Variants in ZBTB20 observed in about 807,000 individuals in gnomAD.
ZBTB20 encodes the protein zinc finger and BTB domain containing 20, also known as zinc finger and BTB domain-containing protein 20.
In ZBTB20, 9 loss-of-function variants were observed where a neutral mutation model predicts 56.9. That is an observed-to-expected ratio of 0.16 (90% confidence interval 0.10 to 0.28). The LOEUF (loss-of-function observed/expected upper bound fraction) is 0.28, where lower values mean the gene tolerates loss of function less well. Among genes scored for constraint, ZBTB20 ranks in the 10% least tolerant of loss-of-function variants. ZBTB20 has a pLI of 1.00. For synonymous variants in ZBTB20, 417 were observed against 420.7 expected (o/e 0.99, Z 0.11); for missense variants, 655 against 1,003.0 (o/e 0.65, Z 4.69).
chr3:115,020,860 A>T (rs1184909481), intron 2 of ZBTB20, among the ~76,000 whole-genome samples: 1 of 151,102 alleles, frequency 6.6e-6, no homozygotes, highest in Non-Finnish European at 1.5e-5. Flanking sequence ...GCTTTATTAT[A>T]AATGAAAGAC....
intron 1 of ZBTB20, among the ~76,000 whole-genome samples, chr3:115,138,461 C>T (rs1018656532): frequency 1.3e-5 from 2 of 152,054 alleles, no homozygotes; most frequent in Non-Finnish European, 2.9e-5. Context: ...TCTCTAGAAC[C>T]TTCTCCAAAT....
chr3:114,846,406 G>A (rs1361846671), intron 4 of ZBTB20, among the ~76,000 whole-genome samples: 1 of 152,204 alleles, frequency 6.6e-6, no homozygotes, highest in African/African-American at 2.4e-5. Context: ...GTGAGCTTGT[G>A]TTTGATGCTA....
chr3:114,856,875 T>C (rs1383385040), intron 4 of ZBTB20, among the ~76,000 whole-genome samples: 1 of 152,162 alleles, frequency 6.6e-6, no homozygotes, highest in Non-Finnish European at 1.5e-5. Context: ...CCAATTTAAT[T>C]TATGAGTCAG....
chr3:114,955,996 T>C (rs1481640662), intron 3 of ZBTB20, among the ~76,000 whole-genome samples: 1 of 152,166 alleles, frequency 6.6e-6, no homozygotes, highest in Non-Finnish European at 1.5e-5. Flanking sequence ...AATTAATAGA[T>C]GGATCTGAAA....
At chr3:114,348,990 A>G (rs1053102688) in intron 11 of ZBTB20, among the ~76,000 whole-genome samples, 1 of 152,142 alleles carries the variant, frequency 6.6e-6, no homozygotes, top group Non-Finnish European at 1.5e-5. Flanking sequence ...GCTTGAGCTC[A>G]GGAGTTTGAG....
intron 3 of ZBTB20, among the ~76,000 whole-genome samples, chr3:114,946,893 TG>T (rs1321350908): frequency 6.9e-6 from 1 of 145,696 alleles, no homozygotes; most frequent in Non-Finnish European, 1.5e-5. Context: ...GGAGAAAATA[TG>T]TACAAACTAT....
At chr3:115,006,164 G>A (rs1390450285) in intron 2 of ZBTB20, among the ~76,000 whole-genome samples, 3 of 151,418 alleles carry the variant, frequency 2.0e-5, no homozygotes, top group Non-Finnish European at 2.9e-5. Context: ...TCTTAAAATG[G>A]TCACCCTCTG....
chr3:114,549,224 C>CT (rs1477568047), intron 6 of ZBTB20, among the ~76,000 whole-genome samples: 3 of 152,126 alleles, frequency 2.0e-5, no homozygotes, highest in African/African-American at 7.2e-5. Context: ...GCCCTTATAA[C>CT]TTTAAATGAG....
chr3:114,633,523 C>T (rs1168129151), intron 6 of ZBTB20, among the ~76,000 whole-genome samples: 1 of 152,264 alleles, frequency 6.6e-6, no homozygotes, highest in Non-Finnish European at 1.5e-5. Flanking sequence ...CTCTGCAGAA[C>T]TTACTAAAAG....
At position 114,319,035 on chromosome 3, in the gene ZBTB20, A is replaced by C. The variant is rs766626156; in HGVS notation, c.*19970T>G. The C allele has an allele frequency of 1.9e-4, 29 of 152,348 alleles. No homozygotes were observed. The highest frequency in any genetic ancestry group is 3.1e-4 in the Non-Finnish European group (21 of 68,026). The allele number at this position is 152,348 out of a possible 1,614,324, so 9.4% of individuals were successfully genotyped here. ...GCAGTGGGTACAAACTTCTTCTTGTAACAATTACAAAAAACAACAATATAA... is the reference window on the plus strand; with the variant it reads ...GCAGTGGGTACAAACTTCTTCTTGTCACAATTACAAAAAACAACAATATAA... On this transcript the variant is annotated 3_prime_UTR_variant, in exon 12 of 12. Transcript: ENST00000675478.
intron 5 of ZBTB20, among the ~76,000 whole-genome samples, chr3:114,720,490 T>C (rs1921490): frequency 0.96 from 145,879 of 152,148 alleles, 70,224 homozygotes; most frequent in East Asian, 1. Flanking sequence ...AATCCATTAG[T>C]AGCCTGGTTA....
chr3:115,111,406 G>A (rs1158871237), intron 1 of ZBTB20, among the ~76,000 whole-genome samples: 1 of 152,040 alleles, frequency 6.6e-6, no homozygotes, highest in Non-Finnish European at 1.5e-5. Context: ...TACCTCTTAT[G>A]ATGTTTTATC....
chr3:114,951,965 C>A (rs1276108292), intron 3 of ZBTB20, among the ~76,000 whole-genome samples: 1 of 151,462 alleles, frequency 6.6e-6, no homozygotes, highest in African/African-American at 2.4e-5. Context: ...TGGTTTCCAA[C>A]AAAATAAAGA....
chr3:115,128,586 C>A (rs1168274871), intron 1 of ZBTB20, among the ~76,000 whole-genome samples: 1 of 151,590 alleles, frequency 6.6e-6, no homozygotes, highest in African/African-American at 2.4e-5. Flanking sequence ...ATCGCTTGAA[C>A]CCAGGAGGCG....
chr3:114,970,108 C>T (rs1560448920), intron 3 of ZBTB20, among the ~76,000 whole-genome samples: 1 of 152,198 alleles, frequency 6.6e-6, no homozygotes, highest in African/African-American at 2.4e-5. Context: ...GCTCAACCAG[C>T]TGGCCCTTTG....
intron 5 of ZBTB20, among the ~76,000 whole-genome samples, chr3:114,742,729 C>T (rs1288526479): frequency 6.6e-6 from 1 of 152,090 alleles, no homozygotes; most frequent in East Asian, 1.9e-4. Context: ...TTTTTTAACC[C>T]TGATTGCACA....
chr3:114,376,323 G>A (rs2083623959), intron 10 of ZBTB20, among the ~76,000 whole-genome samples: 1 of 152,206 alleles, frequency 6.6e-6, no homozygotes, highest in South Asian at 2.1e-4. Context: ...GAAAGAATCT[G>A]CTGTGATGCC....
chr3:114,847,418 C>T (rs1175692002), intron 4 of ZBTB20, among the ~76,000 whole-genome samples: 1 of 151,968 alleles, frequency 6.6e-6, no homozygotes, highest in Non-Finnish European at 1.5e-5. Flanking sequence ...AATGGTAACA[C>T]GGCCTATTTA....
At chr3:114,617,263 C>A (rs1560042439) in intron 6 of ZBTB20, among the ~76,000 whole-genome samples, 1 of 152,196 alleles carries the variant, frequency 6.6e-6, no homozygotes, top group Non-Finnish European at 1.5e-5. Context: ...TCTCTGTACT[C>A]CCCTACTACA....
Sources: allele counts gnomAD v4.1 joint callset (sites outside exome capture counted in the v4.1 genomes callset), GRCh38; gene constraint gnomAD v4.1.1; transcripts MANE v1.5; gene names NCBI Gene and HGNC (gene_info 2026-07-23, HGNC 2026-07-21).